The following CDC42BPA variants were observed in gnomAD, a reference collection of about 807,000 sequenced individuals.
The protein encoded by CDC42BPA is serine/threonine-protein kinase MRCK alpha.
In CDC42BPA, 80 loss-of-function variants were observed where a neutral mutation model predicts 223.5. The observed-to-expected ratio is 0.36, with a 90% confidence interval of 0.30 to 0.43. The LOEUF (loss-of-function observed/expected upper bound fraction) is 0.43. CDC42BPA is among the 20% of genes least tolerant of loss of function. The pLI, the probability that CDC42BPA is intolerant of heterozygous loss-of-function variation, is 1.00. For missense variants in CDC42BPA, 1,743 were observed against 2,099.9 expected (o/e 0.83, Z 3.32); for synonymous variants, 694 against 718.6 (o/e 0.97, Z 0.55).
intron 1 of CDC42BPA, among the ~76,000 whole-genome samples, chr1:227,293,503 T>C (rs1690061470): frequency 6.7e-6 from 1 of 148,380 alleles, no homozygotes; most frequent in South Asian, 2.1e-4. Context: ...TATACAAAGC[T>C]ACTATGGTAA....
At chr1:227,214,634 T>C (rs1674512442) in intron 2 of CDC42BPA, among the ~76,000 whole-genome samples, 2 of 152,116 alleles carry the variant, frequency 1.3e-5, no homozygotes. Flanking sequence ...CAAGACTCAA[T>C]TTAGGGCGGG....
intron 11 of CDC42BPA, among the ~76,000 whole-genome samples, chr1:227,128,803 C>T (rs912444333): frequency 2.0e-5 from 3 of 152,140 alleles, no homozygotes; most frequent in African/African-American, 7.2e-5. Context: ...AATGAATAGG[C>T]CTTCCAAAAA....
intron 2 of CDC42BPA, among the ~76,000 whole-genome samples, chr1:227,213,540 C>T (rs1674310048): frequency 6.6e-6 from 1 of 152,096 alleles, no homozygotes; most frequent in Non-Finnish European, 1.5e-5. Context: ...AATTCAAACT[C>T]AATATCTACT....
intron 10 of CDC42BPA, among the ~76,000 whole-genome samples, chr1:227,133,686 A>G (rs1317432927): frequency 2.6e-5 from 4 of 152,156 alleles, no homozygotes; most frequent in African/African-American, 9.7e-5. Flanking sequence ...GCTCTCTGAA[A>G]CATGTGCTGT....
intron 1 of CDC42BPA, among the ~76,000 whole-genome samples, chr1:227,295,002 T>G (rs1283142184): frequency 1.3e-5 from 2 of 150,556 alleles, no homozygotes; most frequent in East Asian, 3.9e-4. Flanking sequence ...ATAAAAAATA[T>G]TCAACGGGTT....
chr1:227,197,383 C>G (rs1005663522), intron 4 of CDC42BPA, among the ~76,000 whole-genome samples: 3 of 152,182 alleles, frequency 2.0e-5, no homozygotes, highest in Non-Finnish European at 4.4e-5. Flanking sequence ...TAAAGAAACA[C>G]TGGCAAGTTA....
intron 21 of CDC42BPA, among the ~76,000 whole-genome samples, chr1:227,055,689 G>A (rs576875104): frequency 6.6e-6 from 1 of 151,942 alleles, no homozygotes; most frequent in Admixed American, 6.6e-5. Flanking sequence ...ATAGCATTAA[G>A]TATAATAATG....
intron 1 of CDC42BPA, among the ~76,000 whole-genome samples, chr1:227,306,970 T>C (rs991175140): frequency 6.6e-6 from 1 of 152,242 alleles, no homozygotes; most frequent in African/African-American, 2.4e-5. Context: ...AAGATAACTA[T>C]ACTGCTTTTA....
intron 1 of CDC42BPA, among the ~76,000 whole-genome samples, chr1:227,312,913 C>A (rs982427241): frequency 6.6e-6 from 1 of 152,116 alleles, no homozygotes. Context: ...TTCTCCTTTG[C>A]CTTTTACCAT....
Position 227,003,828 on chromosome 1 carries a change from AAAAC to A in CDC42BPA, c.4975+1162_4975+1165del, listed in dbSNP as rs551529230. ...CAGTTCCGAGTACAGTTAAAAACAA[AAAAC>A]AAACAAACAAAAAAAACGGAGAGAG... On this transcript the variant is annotated intron_variant, in intron 35 of 36. Coordinates refer to ENST00000366766, the MANE Select transcript of CDC42BPA (RefSeq NM_001394014.1). Among the ~76,000 whole-genome samples, 585 of 152,306 alleles carry A rather than the reference AAAAC, an allele frequency of 3.8e-3. 3 individuals carry two copies. The highest frequency in any genetic ancestry group is 0.014 in the African/African-American group (564 of 41,564).
intron 23 of CDC42BPA, among the ~76,000 whole-genome samples, chr1:227,042,594 G>A (rs1014300423): frequency 6.6e-6 from 1 of 152,000 alleles, no homozygotes; most frequent in African/African-American, 2.4e-5. Flanking sequence ...ATACACAATA[G>A]GATTTTGTTT....
intron 5 of CDC42BPA, among the ~76,000 whole-genome samples, chr1:227,180,838 T>G (rs981696459): frequency 3.3e-5 from 5 of 152,214 alleles, no homozygotes; most frequent in African/African-American, 1.2e-4. Context: ...TTAGCATTTT[T>G]GAAGTTATAG....
intron 6 of CDC42BPA, among the ~76,000 whole-genome samples, chr1:227,151,212 T>C (rs1355388600): frequency 2.6e-5 from 4 of 152,194 alleles, no homozygotes; most frequent in African/African-American, 7.2e-5. Context: ...TTCTTTGAAC[T>C]TGATTACTAT....
At chr1:227,069,465 A>C (rs74140276) in intron 21 of CDC42BPA, 28,088 of 186,096 alleles carry the variant, frequency 0.15, 2,618 homozygotes, top group African/African-American at 0.25. Context: ...GAGAATAAAA[A>C]AATTGTCAAA....
chr1:227,279,226 A>G (rs958597437), intron 1 of CDC42BPA, among the ~76,000 whole-genome samples: 1 of 152,194 alleles, frequency 6.6e-6, no homozygotes, highest in Non-Finnish European at 1.5e-5. Context: ...ACTCTTCATT[A>G]GCTCAATTTT....
At chr1:227,119,993 C>A (rs1057301373) in intron 11 of CDC42BPA, 56 bp from the exon 12 acceptor site, 1 of 1,444,658 alleles carries the variant, frequency 6.9e-7, no homozygotes, top group Non-Finnish European at 9.3e-7. Flanking sequence ...AATGATTGAA[C>A]CTAAGGTAAA....
intron 31 of CDC42BPA, among the ~76,000 whole-genome samples, chr1:227,023,885 TA>T (rs1165283362): frequency 6.6e-6 from 1 of 152,114 alleles, no homozygotes; most frequent in Non-Finnish European, 1.5e-5. Flanking sequence ...AAAGATTTTT[TA>T]AAAAAGGTAA....
At chr1:227,073,459 AT>A (rs1678843609) in intron 19 of CDC42BPA, among the ~76,000 whole-genome samples, 1 of 152,146 alleles carries the variant, frequency 6.6e-6, no homozygotes, top group Admixed American at 6.5e-5. Context: ...TAGAATTTTC[AT>A]TTATAAAAGA....
In CDC42BPA at chr1:227,277,736, T is replaced by C. The variant is rs577826811; in HGVS notation, c.179-23581A>G. Among the ~76,000 whole-genome samples the C allele has an allele frequency of 4.6e-5, 7 of 152,054 alleles. No individual in the cohort carries two copies. In the South Asian group the frequency reaches 6.2e-4, roughly 14 times the overall value. ...TCTCTTAGAAAACTAGGAATAGATA[T>C]ACTGGATAAAACTTTTGTTTGTTTG... On this transcript the variant is annotated intron_variant, in intron 1 of 36. Transcript: ENST00000366766.
Sources: gnomAD v4.1 joint callset for allele counts (sites outside exome capture counted in the v4.1 genomes callset) on GRCh38, gnomAD v4.1.1 for gene constraint, MANE v1.5 for transcripts, NCBI Gene and HGNC (gene_info 2026-07-23, HGNC 2026-07-21) for gene names.